The following TMEM178A variants were observed in gnomAD, a reference collection of about 807,000 sequenced individuals.
TMEM178A encodes transmembrane protein 178A.
Under a neutral mutation model 29.1 loss-of-function variants are expected in TMEM178A, and 12 were observed. That is an observed-to-expected ratio of 0.41 (90% CI 0.26 to 0.67). TMEM178A has a LOEUF of 0.67. Among genes scored for constraint, TMEM178A ranks in the 30% least tolerant of loss-of-function variants. The pLI is 0.29. For synonymous variants in TMEM178A, 210 were observed against 187.2 expected (o/e 1.12, Z -0.99); for missense variants, 366 against 419.1 (o/e 0.87, Z 1.11).
the TMEM178A span, among the ~76,000 whole-genome samples, chr2:39,726,106 T>G: frequency 6.6e-6 from 1 of 152,194 alleles, no homozygotes; most frequent in Non-Finnish European, 1.5e-5. Flanking sequence ...CAGGGAAAGA[T>G]AATTTGTTCT....
chr2:39,704,849 T>G (rs2148103887), intron 2 of TMEM178A, among the ~76,000 whole-genome samples: 1 of 152,358 alleles, frequency 6.6e-6, no homozygotes, highest in Non-Finnish European at 1.5e-5. Flanking sequence ...CATCAGAGGT[T>G]GACATTGTCA....
chr2:39,689,236 A>C (rs765191926), intron 1 of TMEM178A, among the ~76,000 whole-genome samples: 1 of 152,226 alleles, frequency 6.6e-6, no homozygotes, highest in Non-Finnish European at 1.5e-5. Context: ...TAAAATGTGC[A>C]GCCTTTCTCC....
In TMEM178A at chr2:39,707,119, C is replaced by A; in HGVS notation, c.585C>A (p.Ala195=). 1 of 1,614,212 alleles carries A rather than the reference C, an allele frequency of 6.2e-7. No homozygotes were observed. The highest frequency in any genetic ancestry group is 8.5e-7 in the Non-Finnish European group (1 of 1,180,028). The change falls in exon 3 of 4, where the codon GCC becomes GCA. Residue 195 remains alanine, a synonymous_variant. Transcript: ENST00000281961. ...TCCTTCTCTGCGGCTGCATTGTGGC[C>A]ACAGTCAGTTTCTTCTGGGAGGAGA... ...VAVLLCGCIV[A]TVSFFWEESL...
intron 3 of TMEM178A, among the ~76,000 whole-genome samples, chr2:39,715,945 C>G (rs941073217): frequency 6.6e-6 from 1 of 152,178 alleles, no homozygotes; most frequent in African/African-American, 2.4e-5. Flanking sequence ...CTACTTTTAG[C>G]TCTCTCTTTT....
Position 39,665,967 on chromosome 2 carries a change from G to C in TMEM178A, c.-8G>C, listed in dbSNP as rs1432135357. The C allele has an allele frequency of 3.0e-6, 4 of 1,346,322 alleles. No individual in the cohort carries two copies. The African/African-American group carries it at 6.1e-5, about 21-fold the overall frequency. 83.4% of individuals were successfully genotyped at this position (1,346,322 alleles called of 1,614,324 possible). A position where few individuals can be genotyped will look rare whatever the true frequency, so the allele number is the denominator to read the frequency against. The stretch of plus-strand genomic sequence containing the variant: ...AGCCCACCGGCGGCTGCGGCGGGGC[G>C]GGAAGCCATGGAGCCGCGGGCGCTC... On this transcript the variant is annotated 5_prime_UTR_variant, in exon 1 of 4. Transcript: ENST00000281961.
At chr2:39,702,566 G>A (rs1485138644) in intron 1 of TMEM178A, among the ~76,000 whole-genome samples, 1 of 151,908 alleles carries the variant, frequency 6.6e-6, no homozygotes, top group East Asian at 1.9e-4. Context: ...CCCTTTGGAA[G>A]CACAGGCATT....
At chr2:39,707,857 G>C (rs1230381583) in intron 3 of TMEM178A, among the ~76,000 whole-genome samples, 1 of 152,218 alleles carries the variant, frequency 6.6e-6, no homozygotes, top group Non-Finnish European at 1.5e-5. Flanking sequence ...CAAAGACAGA[G>C]GGGGATAGAT....
At chr2:39,708,481 C>T (rs1004817127) in intron 3 of TMEM178A, among the ~76,000 whole-genome samples, 3 of 135,006 alleles carry the variant, frequency 2.2e-5, no homozygotes, top group African/African-American at 8.3e-5. Context: ...TGCAGTGGCG[C>T]GATCTCGACT....
chr2:39,727,834 C>T, the TMEM178A span, among the ~76,000 whole-genome samples: 990 of 151,656 alleles, frequency 6.5e-3, 13 homozygotes, highest in African/African-American at 0.022. Flanking sequence ...GTCCCTGTGA[C>T]AGTTTGCTGA....
intron 1 of TMEM178A, chr2:39,697,747 A>C (rs1247741870): frequency 3.3e-5 from 5 of 152,468 alleles, no homozygotes; most frequent in Admixed American, 6.5e-5. Flanking sequence ...CAGAGGAAGC[A>C]GGAGAACCCT....
chr2:39,723,376 C>T, the TMEM178A span, among the ~76,000 whole-genome samples: 2 of 152,244 alleles, frequency 1.3e-5, no homozygotes, highest in East Asian at 3.9e-4. Context: ...CCTGATTTGC[C>T]ATTTGTTAGT....
At chr2:39,700,209 C>T (rs1414134342) in intron 1 of TMEM178A, among the ~76,000 whole-genome samples, 1 of 151,996 alleles carries the variant, frequency 6.6e-6, no homozygotes, top group Non-Finnish European at 1.5e-5. Flanking sequence ...GATCTTCTGT[C>T]CAGTTGTTTT....
the TMEM178A span, among the ~76,000 whole-genome samples, chr2:39,734,750 C>G: frequency 6.6e-6 from 1 of 152,192 alleles, no homozygotes; most frequent in Non-Finnish European, 1.5e-5. Flanking sequence ...CTCACCAAAC[C>G]TGCAGCCTCT....
At chr2:39,722,063 C>CCACT (rs1355358582), downstream of TMEM178A, among the ~76,000 whole-genome samples, 11 of 149,524 alleles carry the variant, frequency 7.4e-5, no homozygotes, top group Admixed American at 6.7e-4. Flanking sequence ...TAAAGAGGCA[C>CCACT]CACTAGAGGA....
At chr2:39,697,025 A>G (rs1671574111) in intron 1 of TMEM178A, among the ~76,000 whole-genome samples, 1 of 152,190 alleles carries the variant, frequency 6.6e-6, no homozygotes, top group African/African-American at 2.4e-5. Context: ...CTCTAAACCC[A>G]GAAAGCCAGT....
Position 39,704,145 on chromosome 2 carries a change from T to G in TMEM178A, c.465T>G (p.Ile155Met). 6.2e-7 allele frequency: 1 copy of G among 1,614,170 alleles called. No homozygotes were observed. The highest frequency in any genetic ancestry group is 8.5e-7 in the Non-Finnish European group (1 of 1,180,012). Residue 155 changes from isoleucine (I) to methionine (M), a missense_variant, in exon 2 of 4, where the codon ATT becomes ATG. Physicochemically the swap from Ile to Met is conservative, Grantham distance 10. Coordinates refer to ENST00000281961, the MANE Select transcript of TMEM178A (RefSeq NM_152390.3). ...CTCAGCCCATCCGCTTGCGAAACATTCCTTTTAATTTAACCAAGACCATAC... is the reference window on the plus strand; with the variant it reads ...CTCAGCCCATCCGCTTGCGAAACATGCCTTTTAATTTAACCAAGACCATAC... ...HFSQPIRLRNIPFNLTKTIQQ... is the reference protein window; with the variant it reads ...HFSQPIRLRNMPFNLTKTIQQ...
intron 1 of TMEM178A, among the ~76,000 whole-genome samples, chr2:39,669,108 A>G (rs1279830782): frequency 6.6e-6 from 1 of 152,152 alleles, no homozygotes; most frequent in Non-Finnish European, 1.5e-5. Flanking sequence ...AGAAATTTTA[A>G]TGGTAGGAAA....
chr2:39,686,086 G>C (rs1274611776), intron 1 of TMEM178A, among the ~76,000 whole-genome samples: 1 of 152,226 alleles, frequency 6.6e-6, no homozygotes, highest in Admixed American at 6.5e-5. Flanking sequence ...ACACACATGG[G>C]GGCAGCTGCT....
chr2:39,707,849 AAGAC>A (rs1275254883), intron 3 of TMEM178A, among the ~76,000 whole-genome samples: 3 of 152,232 alleles, frequency 2.0e-5, no homozygotes, highest in African/African-American at 7.2e-5. Context: ...GGTGCCCTCA[AAGAC>A]AGAGGGGGAT....
Sources: gnomAD v4.1 joint callset for allele counts (sites outside exome capture counted in the v4.1 genomes callset) on GRCh38, gnomAD v4.1.1 for gene constraint, MANE v1.5 for transcripts, NCBI Gene and HGNC (gene_info 2026-07-23, HGNC 2026-07-21) for gene names.